TTC28: variants seen among roughly 807,000 people sequenced by gnomAD.
The protein encoded by TTC28 is tetratricopeptide repeat protein 28.
A neutral mutation model predicts 198.0 loss-of-function variants in TTC28; 61 were observed. The observed-to-expected ratio is 0.31, with a 90% CI of 0.25 to 0.38. TTC28 has a LOEUF of 0.38. Ranked by LOEUF, TTC28 falls within the 10% of genes least tolerant of loss-of-function variation. TTC28 has a pLI of 1.00. For synonymous variants in TTC28, 1,171 were observed against 1,297.8 expected (o/e 0.90, Z 2.10); for missense variants, 2,678 against 3,164.0 (o/e 0.85, Z 3.69).
chr22:28,343,606 T>C (rs1044461851), intron 2 of TTC28, among the ~76,000 whole-genome samples: 2 of 152,186 alleles, frequency 1.3e-5, no homozygotes, highest in African/African-American at 4.8e-5. Context: ...CAGATTACTT[T>C]TATGGAGCAC....
intron 2 of TTC28, among the ~76,000 whole-genome samples, chr22:28,512,711 G>A (rs1277819273): frequency 6.6e-6 from 1 of 152,120 alleles, no homozygotes; most frequent in Non-Finnish European, 1.5e-5. Context: ...ACTTGTAAGT[G>A]GGAGCTGAAT....
chr22:28,404,310 G>A (rs2046965923), intron 2 of TTC28, among the ~76,000 whole-genome samples: 1 of 152,012 alleles, frequency 6.6e-6, no homozygotes. Flanking sequence ...AATAGAGATG[G>A]GGTTTCACCT....
chr22:28,132,249 G>A (rs1429737455), intron 6 of TTC28, among the ~76,000 whole-genome samples: 1 of 152,188 alleles, frequency 6.6e-6, no homozygotes. Flanking sequence ...TATCAGATTT[G>A]TAGCTTCATA....
Position 27,982,058 on chromosome 22 carries a change from A to AGT in TTC28, c.*161_*162dup, listed in dbSNP as rs1348206907. ...GTGAATGTGGCCCAGAAAAGCCACC[A>AGT]GTGTGTGTGGCAGCCTTTGGACGTG... On this transcript the variant is annotated 3_prime_UTR_variant, in exon 23 of 23. Transcript: ENST00000397906. The surrounding 1 kb of genome is among the most constrained non-coding windows in gnomAD (Gnocchi z 5.2). The AGT allele has an allele frequency of 3.0e-6, 2 of 661,084 alleles. No homozygotes were observed. Among genetic ancestry groups the AGT allele is most frequent in the Non-Finnish European group, 4.7e-6 (2 of 424,642 alleles). 41.0% of individuals were successfully genotyped at this position (661,084 alleles called of 1,614,324 possible).
chr22:28,489,518 CT>C (rs1568975938), intron 2 of TTC28, among the ~76,000 whole-genome samples: 1 of 152,134 alleles, frequency 6.6e-6, no homozygotes, highest in African/African-American at 2.4e-5. Flanking sequence ...TCATCCATAT[CT>C]TTTTGTTCTT....
intron 5 of TTC28, among the ~76,000 whole-genome samples, chr22:28,190,689 A>G (rs1924648852): frequency 6.6e-6 from 1 of 152,214 alleles, no homozygotes; most frequent in African/African-American, 2.4e-5. Context: ...CACATAGGAA[A>G]AGCCACCTAA....
At chr22:28,137,711 T>C (rs1184016230) in intron 6 of TTC28, among the ~76,000 whole-genome samples, 3 of 152,064 alleles carry the variant, frequency 2.0e-5, no homozygotes, top group East Asian at 1.9e-4. Flanking sequence ...CGCATTCTAC[T>C]GGTTAGAAAA....
intron 3 of TTC28, among the ~76,000 whole-genome samples, chr22:28,299,697 T>C (rs1331430694): frequency 1.3e-5 from 2 of 152,128 alleles, no homozygotes; most frequent in Non-Finnish European, 2.9e-5. Context: ...ACAAAAATAA[T>C]AGAATTTTAG....
At chr22:28,023,117 T>C (rs1938679679) in intron 13 of TTC28, among the ~76,000 whole-genome samples, 1 of 151,944 alleles carries the variant, frequency 6.6e-6, no homozygotes, top group Non-Finnish European at 1.5e-5. Context: ...TCTCTCCCCT[T>C]GCTCTTGGAC....
chr22:28,539,884 G>A (rs941018508), intron 2 of TTC28, among the ~76,000 whole-genome samples: 4 of 150,374 alleles, frequency 2.7e-5, no homozygotes, highest in South Asian at 4.2e-4. Flanking sequence ...TGGCTCTGCA[G>A]CCTGTATAGG....
chr22:28,625,702 T>C (rs562749351), intron 2 of TTC28, among the ~76,000 whole-genome samples: 13 of 152,100 alleles, frequency 8.5e-5, no homozygotes, highest in South Asian at 2.1e-4. Flanking sequence ...CTACAACTTA[T>C]ATAAAAATGC....
chr22:28,146,938 C>T (rs1005845814), intron 6 of TTC28, among the ~76,000 whole-genome samples: 1 of 152,210 alleles, frequency 6.6e-6, no homozygotes, highest in Non-Finnish European at 1.5e-5. Context: ...GGCACCAATG[C>T]AATTTTTACC....
intron 2 of TTC28, among the ~76,000 whole-genome samples, chr22:28,533,404 A>G (rs748304876): frequency 7.4e-4 from 112 of 152,318 alleles, no homozygotes; most frequent in Non-Finnish European, 6.0e-4. Context: ...CAATGAAATA[A>G]AAGAGGACAC....
chr22:28,496,495 C>T (rs2048457135), intron 2 of TTC28, among the ~76,000 whole-genome samples: 1 of 152,048 alleles, frequency 6.6e-6, no homozygotes, highest in Admixed American at 6.6e-5. Flanking sequence ...ATACCACATC[C>T]AATCCATCAG....
At chr22:28,460,479 A>C (rs1357076425) in intron 2 of TTC28, among the ~76,000 whole-genome samples, 1 of 152,132 alleles carries the variant, frequency 6.6e-6, no homozygotes, top group Admixed American at 6.5e-5. Flanking sequence ...CTTTATGTAC[A>C]GACCTGCAAC....
chr22:27,984,444 C>A (rs1937139918), intron 22 of TTC28, among the ~76,000 whole-genome samples: 1 of 152,034 alleles, frequency 6.6e-6, no homozygotes, highest in African/African-American at 2.4e-5. Context: ...GCCCTCACCA[C>A]CCCCTCCTCC....
chr22:28,331,886 A>T (rs1414983055), intron 2 of TTC28, among the ~76,000 whole-genome samples: 1 of 152,078 alleles, frequency 6.6e-6, no homozygotes, highest in East Asian at 1.9e-4. Flanking sequence ...CCTTGGGGAG[A>T]AATTATCCAA....
chr22:28,297,810 A>G lies in TTC28; in HGVS notation c.572T>C (p.Leu191Pro). The change falls in exon 4 of 23, where the codon CTG becomes CCG. Residue 191 changes from leucine (L) to proline (P), a missense_variant. This residue lies in a region of TTC28 where 176 missense variants were observed against 197.9 expected (regional missense o/e 0.89). Coordinates refer to ENST00000397906, the MANE Select transcript of TTC28 (RefSeq NM_001145418.2). ...CACGACCACAAAGGGACTCTTGTCC[A>G]GTTTCATTTTCTGAAGCTGCTGATA... ...PTYQQLQKMK[L>P]DKSPFVVVSV... is the part of the protein sequence containing the mutation. The G allele has an allele frequency of 6.4e-7, 1 of 1,551,658 alleles. No individual in the cohort carries two copies. The highest frequency in any genetic ancestry group is 8.7e-7 in the Non-Finnish European group (1 of 1,146,990).
chr22:28,552,603 A>C (rs939393788), intron 2 of TTC28, among the ~76,000 whole-genome samples: 10 of 152,202 alleles, frequency 6.6e-5, no homozygotes. Context: ...TTCTTTGGCA[A>C]AGTAAACAAA....
Sources: allele counts gnomAD v4.1 joint callset (sites outside exome capture counted in the v4.1 genomes callset), GRCh38; gene constraint gnomAD v4.1.1; regional missense constraint gnomAD v4.1.1; non-coding constraint Gnocchi (gnomAD v3.1); transcripts MANE v1.5; gene names NCBI Gene and HGNC (gene_info 2026-07-23, HGNC 2026-07-21).